The following CCNB2 variants were observed in gnomAD, a reference collection of about 807,000 sequenced individuals.
The protein encoded by CCNB2 is cyclin B2.
In CCNB2, 39 loss-of-function variants were observed where a neutral mutation model predicts 51.1. That is an observed-to-expected ratio of 0.76 (90% CI 0.59 to 1.00). CCNB2 has a LOEUF of 1.00. CCNB2 is among the 50% of genes least tolerant of loss of function. The pLI, the probability that CCNB2 is intolerant of heterozygous loss-of-function variation, is 0.00. For missense variants in CCNB2, 472 were observed against 470.3 expected (o/e 1.00, Z -0.03); for synonymous variants, 174 against 165.5 (o/e 1.05, Z -0.40).
rs1403420055 is a variant in CCNB2 at position 59,116,772 on chromosome 15, C to T, written c.680C>T (p.Ser227Phe). ...GCTTCCAAGTATGAGGAGATGTTTT[C>T]TCCAAATATTGAAGACTTTGTTTAC... is the stretch of plus-strand genomic sequence containing the variant. ...LLASKYEEMF[S>F]PNIEDFVYIT... Residue 227 changes from serine to phenylalanine, a missense_variant, in exon 6 of 9, where the codon TCT becomes TTT. By Grantham distance (155) the Ser-to-Phe change is radical. Transcript: ENST00000288207. 1 of 1,613,792 alleles carries T rather than the reference C, an allele frequency of 6.2e-7. No homozygotes were observed. Among genetic ancestry groups the T allele is most frequent in the Non-Finnish European group, 8.5e-7 (1 of 1,179,994 alleles).
intron 7 of CCNB2, among the ~76,000 whole-genome samples, chr15:59,117,920 CAG>C (rs1271934345): frequency 6.6e-6 from 1 of 152,114 alleles, no homozygotes; most frequent in Admixed American, 6.5e-5. Context: ...CTGGGGAACA[CAG>C]AGAGACCCTT....
At chr15:59,117,166 AG>A in intron 6 of CCNB2, 61 bp from the exon 7 acceptor site, 1 of 1,565,128 alleles carries the variant, frequency 6.4e-7, no homozygotes, top group Non-Finnish European at 8.7e-7. Flanking sequence ...GCCTTCACGC[AG>A]AATTTTGCAA....
Position 59,122,547 on chromosome 15 carries a change from C to CT in CCNB2, c.976-960dup, listed in dbSNP as rs748369646. On this transcript the variant is annotated intron_variant, in intron 7 of 8. Coordinates refer to ENST00000288207, the MANE Select transcript of CCNB2 (RefSeq NM_004701.4). ...GCCTTTTTTTTTTTTCTTTTTTTTT[C>CT]TTTTTTTTTTGAGACAGGGTCTCAC... 4.8e-3 allele frequency among the ~76,000 whole-genome samples: 505 copies of CT among 104,492 alleles called. 2 individuals carry two copies. The highest frequency in any genetic ancestry group is 6.9e-3 in the Non-Finnish European group (347 of 50,316). 68.6% of individuals were successfully genotyped at this position (104,492 alleles called of 152,430 possible).
intron 5 of CCNB2, chr15:59,115,453 A>C (rs1271250540): frequency 6.6e-6 from 1 of 152,568 alleles, no homozygotes; most frequent in African/African-American, 2.4e-5. Context: ...AATCTTCAGC[A>C]TATTTATGAG....
At chr15:59,112,859 C>T (rs1446351162) in intron 3 of CCNB2, among the ~76,000 whole-genome samples, 2 of 150,952 alleles carry the variant, frequency 1.3e-5, no homozygotes, top group Non-Finnish European at 3.0e-5. Context: ...ACGGTGAAAC[C>T]CCGTCTCTAC....
rs2079269931 is a variant in CCNB2, at chr15:59,114,459, C to G, written c.283C>G (p.Pro95Ala). ...KLAPKGPSPT[P>A]EDVSMKEENL... Reference sequence around the variant, plus strand: ...GTTGGTGTAGGGTCCTTCTCCCACACCTGAGGATGTCTCCATGAAGGAAGA... The same window carrying G: ...GTTGGTGTAGGGTCCTTCTCCCACAGCTGAGGATGTCTCCATGAAGGAAGA... The change falls in exon 4 of 9, where the codon CCT (proline) becomes GCT (alanine). Residue 95 changes from proline (P) to alanine (A), a missense_variant. Pro to Ala is a conservative substitution (Grantham distance 27). Coordinates refer to ENST00000288207, the MANE Select transcript of CCNB2 (RefSeq NM_004701.4). 1 of 1,607,180 alleles carries G rather than the reference C, an allele frequency of 6.2e-7. No individual in the cohort carries two copies. Among genetic ancestry groups the G allele is most frequent in the African/African-American group, 1.3e-5 (1 of 74,680 alleles).
intron 3 of CCNB2, among the ~76,000 whole-genome samples, chr15:59,109,729 G>A (rs1221687022): frequency 5.3e-5 from 8 of 152,218 alleles, no homozygotes; most frequent in Non-Finnish European, 8.8e-5. Flanking sequence ...GCTCACGCCT[G>A]TAATCCCAGC....
intron 5 of CCNB2, 28 bp from the exon 6 acceptor site, chr15:59,116,662 G>A (rs1338404562): frequency 2.6e-6 from 4 of 1,510,276 alleles, no homozygotes; most frequent in Non-Finnish European, 3.7e-6. Context: ...TGTTAGGTGT[G>A]ACTTTTGTTA....
At chr15:59,108,494 A>AG (rs1454027284) in intron 3 of CCNB2, among the ~76,000 whole-genome samples, 1 of 152,184 alleles carries the variant, frequency 6.6e-6, no homozygotes, top group African/African-American at 2.4e-5. Context: ...CAGTATCAAT[A>AG]GTGGGTATGA....
chr15:59,107,467 CTGAA>C lies in CCNB2; in HGVS notation c.153+20_153+23del, dbSNP rs2079240532. On this transcript the variant is annotated intron_variant, in intron 2 of 8. Transcript: ENST00000288207. ...GTAGCTAAGGTAACAATGATGAAGA[CTGAA>C]TGTGAATACAGAGGCCGATTCTGTA... The C allele has an allele frequency of 6.2e-7, 1 of 1,614,010 alleles. No homozygotes were observed.
At chr15:59,112,141 C>A (rs187893407) in intron 3 of CCNB2, among the ~76,000 whole-genome samples, 1 of 152,060 alleles carries the variant, frequency 6.6e-6, no homozygotes, top group African/African-American at 2.4e-5. Context: ...TGTGAGCCAC[C>A]GCACTTGGCC....
chr15:59,123,181 G>T (rs1312494829), intron 7 of CCNB2, among the ~76,000 whole-genome samples: 2 of 152,158 alleles, frequency 1.3e-5, no homozygotes, highest in Non-Finnish European at 2.9e-5. Flanking sequence ...CTGTAAAGGG[G>T]CACTTTGTTT....
chr15:59,123,693 C>CGGG (rs371736407), intron 8 of CCNB2, 66 bp downstream of exon 8: 3 of 384,586 alleles, frequency 7.8e-6, no homozygotes, highest in East Asian at 5.0e-5. Context: ...GTATGTTGGG[C>CGGG]GGGGGGGGGC....
At chr15:59,123,874 A>G in intron 8 of CCNB2, 1 of 417,396 alleles carries the variant, frequency 2.4e-6, no homozygotes, top group Non-Finnish European at 4.4e-6. Flanking sequence ...CCCAGATCCC[A>G]GTCAACCAGT....
At chr15:59,112,836 CAT>C (rs2079263210) in intron 3 of CCNB2, among the ~76,000 whole-genome samples, 1 of 151,284 alleles carries the variant, frequency 6.6e-6, no homozygotes, top group African/African-American at 2.4e-5. Context: ...AGATCGAGAC[CAT>C]CCTGGCTAAC....
In CCNB2 at chr15:59,116,726, G is replaced by A; in HGVS notation, c.634G>A (p.Gly212Arg). The change falls in exon 6 of 9, where the codon GGG becomes AGG. Residue 212 changes from glycine to arginine, a missense_variant. Coordinates refer to ENST00000288207, the MANE Select transcript of CCNB2 (RefSeq NM_004701.4). The stretch of plus-strand genomic sequence containing the variant: ...TTCCCGGAAGAAGCTTCAATTAGTT[G>A]GGATTACTGCTCTGCTCTTGGCTTC... ...PVSRKKLQLV[G>R]ITALLLASKY... The A allele has an allele frequency of 6.2e-7, 1 of 1,612,372 alleles. No individual in the cohort carries two copies. The highest frequency in any genetic ancestry group is 8.5e-7 in the Non-Finnish European group (1 of 1,179,804).
chr15:59,117,886 C>T (rs1697124634), intron 7 of CCNB2, among the ~76,000 whole-genome samples: 1 of 152,166 alleles, frequency 6.6e-6, no homozygotes, highest in South Asian at 2.1e-4. Context: ...CATTTGAGCC[C>T]AGGCCCAGGA....
intron 5 of CCNB2, among the ~76,000 whole-genome samples, chr15:59,115,120 A>G (rs1201081508): frequency 6.6e-6 from 1 of 152,218 alleles, no homozygotes; most frequent in Non-Finnish European, 1.5e-5. Flanking sequence ...GAAATATTGC[A>G]TTGCCACAAT....
At chr15:59,119,115 C>A (rs1365601173) in intron 7 of CCNB2, among the ~76,000 whole-genome samples, 1 of 152,122 alleles carries the variant, frequency 6.6e-6, no homozygotes, top group African/African-American at 2.4e-5. Flanking sequence ...CTTTATAATA[C>A]AGTGTAACTT....
Sources: allele counts gnomAD v4.1 joint callset (sites outside exome capture counted in the v4.1 genomes callset), GRCh38; gene constraint gnomAD v4.1.1; transcripts MANE v1.5; gene names NCBI Gene and HGNC (gene_info 2026-07-23, HGNC 2026-07-21).